TCF7L2: variants seen among roughly 807,000 people sequenced by gnomAD.
TCF7L2 encodes the protein transcription factor 7-like 2.
In TCF7L2, 23 loss-of-function variants were observed where a neutral mutation model predicts 77.9. The observed-to-expected ratio is 0.30, with a 90% CI of 0.21 to 0.42. The LOEUF (loss-of-function observed/expected upper bound fraction) is 0.42. Among genes scored for constraint, TCF7L2 ranks in the 10% least tolerant of loss-of-function variants. The probability of loss-of-function intolerance (pLI) is 1.00; values close to 1 mark genes in which losing one functional copy is unlikely to be tolerated. For synonymous variants in TCF7L2, 413 were observed against 340.2 expected (o/e 1.21, Z -2.36); for missense variants, 654 against 793.1 (o/e 0.82, Z 2.11).
At chr10:112,975,876 A>G (rs2039327846) in intron 4 of TCF7L2, among the ~76,000 whole-genome samples, 1 of 152,206 alleles carries the variant, frequency 6.6e-6, no homozygotes, top group Non-Finnish European at 1.5e-5. Flanking sequence ...ATCTCTAGAC[A>G]TTGCTGCATG....
At chr10:112,977,472 C>T (rs148577022) in intron 4 of TCF7L2, among the ~76,000 whole-genome samples, 31 of 152,204 alleles carry the variant, frequency 2.0e-4, no homozygotes, top group South Asian at 1.0e-3. Flanking sequence ...ACATACGGGC[C>T]GTCATCAAAC....
chr10:112,953,425 A>T (rs899100096), intron 3 of TCF7L2, among the ~76,000 whole-genome samples: 1 of 152,144 alleles, frequency 6.6e-6, no homozygotes, highest in African/African-American at 2.4e-5. Flanking sequence ...GGGGCATCTT[A>T]AACGGGACCG....
At chr10:113,055,811 G>C (rs2055274851) in intron 5 of TCF7L2, among the ~76,000 whole-genome samples, 1 of 152,180 alleles carries the variant, frequency 6.6e-6, no homozygotes, top group Non-Finnish European at 1.5e-5. Context: ...ATTTTCCTCT[G>C]TGCTTTTATT....
intron 3 of TCF7L2, among the ~76,000 whole-genome samples, chr10:112,954,354 T>G (rs1331176904): frequency 1.3e-5 from 2 of 152,242 alleles, no homozygotes; most frequent in African/African-American, 4.8e-5. Context: ...TGATTTCTGC[T>G]TTTTTATTTA....
intron 5 of TCF7L2, among the ~76,000 whole-genome samples, chr10:113,054,709 G>A (rs1019118932): frequency 3.3e-5 from 5 of 152,110 alleles, no homozygotes; most frequent in African/African-American, 1.2e-4. Flanking sequence ...TTATTAATAT[G>A]AAAACCGAGT....
chr10:112,978,860 C>G (rs980648371), intron 4 of TCF7L2, among the ~76,000 whole-genome samples: 14 of 152,068 alleles, frequency 9.2e-5, no homozygotes, highest in African/African-American at 3.1e-4. Context: ...ACTTTAAGTT[C>G]TAGGGTACAT....
At chr10:113,161,726 A>G (rs897955355) in intron 13 of TCF7L2, 15 of 1,030,674 alleles carry the variant, frequency 1.5e-5, no homozygotes, top group South Asian at 1.2e-4. Flanking sequence ...TGTGCATCCC[A>G]TTACGTGCAT....
At chr10:113,120,162 A>G (rs1156362974) in intron 5 of TCF7L2, among the ~76,000 whole-genome samples, 1 of 152,218 alleles carries the variant, frequency 6.6e-6, no homozygotes, top group Admixed American at 6.5e-5. Context: ...GTTTGGTTTC[A>G]TGAACTTAAA....
chr10:112,953,339 G>A (rs1011613431), intron 3 of TCF7L2, among the ~76,000 whole-genome samples: 1 of 152,184 alleles, frequency 6.6e-6, no homozygotes, highest in Non-Finnish European at 1.5e-5. Context: ...CCACCAGGCT[G>A]CAGGGGCCGC....
intron 5 of TCF7L2, among the ~76,000 whole-genome samples, chr10:113,123,460 C>A (rs138090901): frequency 6.6e-6 from 1 of 152,264 alleles, no homozygotes; most frequent in East Asian, 1.9e-4. Context: ...TTACACATGT[C>A]TGAGTTTTGG....
At chr10:113,139,247 TC>T (rs2067919035) in intron 5 of TCF7L2, among the ~76,000 whole-genome samples, 1 of 152,268 alleles carries the variant, frequency 6.6e-6, no homozygotes, top group Admixed American at 6.5e-5. Flanking sequence ...CTCCACTTTG[TC>T]CGTGTCTGTC....
At chr10:113,066,345 A>G (rs2057256030) in intron 5 of TCF7L2, among the ~76,000 whole-genome samples, 1 of 152,036 alleles carries the variant, frequency 6.6e-6, no homozygotes, top group Non-Finnish European at 1.5e-5. Flanking sequence ...AGCTTGGGCA[A>G]CAAGAGCAAA....
chr10:113,152,020 A>G, intron 10 of TCF7L2, 136 bp downstream of exon 10: 2 of 1,250,748 alleles, frequency 1.6e-6, no homozygotes, highest in Non-Finnish European at 2.2e-6. Flanking sequence ...TGAATCCTTG[A>G]ATGGCCTTCA....
intron 4 of TCF7L2, among the ~76,000 whole-genome samples, chr10:112,974,020 G>T (rs190583773): frequency 1.3e-5 from 2 of 152,176 alleles, no homozygotes; most frequent in African/African-American, 4.8e-5. Flanking sequence ...TGGTGGACAC[G>T]GGACAAGACA....
intron 5 of TCF7L2, among the ~76,000 whole-genome samples, chr10:113,074,873 G>C (rs7908628): frequency 0.71 from 108,104 of 152,116 alleles, 39,100 homozygotes; most frequent in African/African-American, 0.83. Flanking sequence ...TGGGCACAGG[G>C]CAGGGATGCT....
At chr10:113,018,476 A>G (rs2047721574) in intron 4 of TCF7L2, among the ~76,000 whole-genome samples, 5 of 132,956 alleles carry the variant, frequency 3.8e-5, no homozygotes, top group Admixed American at 2.4e-4. Context: ...TTTTAAAGAC[A>G]GAGACTCTGT....
At chr10:112,967,977 C>A (rs1363005611) in intron 4 of TCF7L2, among the ~76,000 whole-genome samples, 1 of 152,160 alleles carries the variant, frequency 6.6e-6, no homozygotes, top group African/African-American at 2.4e-5. Context: ...TTTTAAAATT[C>A]TATTGACTTT....
In TCF7L2 at chr10:113,146,927, G is replaced by T. The variant is rs188823786; in HGVS notation, c.875+830G>T. Among the ~76,000 whole-genome samples the T allele has an allele frequency of 3.9e-5, 6 of 152,012 alleles. No individual in the cohort carries two copies. In the East Asian group the frequency reaches 9.7e-4, roughly 25 times the overall value. On this transcript the variant is annotated intron_variant, in intron 8 of 13. Transcript: ENST00000627217. ...AAAAAAAAACATGTGTGTGTGTGCT[G>T]TACATTCATATATATTTATATTTCA...
intron 4 of TCF7L2, among the ~76,000 whole-genome samples, chr10:112,983,397 CCTG>C (rs975485079): frequency 1.3e-5 from 2 of 152,030 alleles, no homozygotes; most frequent in African/African-American, 4.8e-5. Context: ...TGTAAGTAAA[CCTG>C]GGAGGTGGAG....
Sources: allele counts gnomAD v4.1 joint callset (sites outside exome capture counted in the v4.1 genomes callset), GRCh38; gene constraint gnomAD v4.1.1; transcripts MANE v1.5; gene names NCBI Gene and HGNC (gene_info 2026-07-23, HGNC 2026-07-21).